Variants in CIT observed in about 807,000 individuals in gnomAD.
CIT encodes citron Rho-interacting kinase.
A neutral mutation model predicts 272.7 loss-of-function variants in CIT; 79 were observed. The observed-to-expected ratio is 0.29, with a 90% CI of 0.24 to 0.35. The LOEUF (loss-of-function observed/expected upper bound fraction) is 0.35, where lower values mean the gene tolerates loss of function less well. CIT is among the 10% of genes least tolerant of loss of function. The pLI, the probability that CIT is intolerant of heterozygous loss-of-function variation, is 1.00. For synonymous variants in CIT, 948 were observed against 995.6 expected (o/e 0.95, Z 0.90); for missense variants, 1,909 against 2,618.3 (o/e 0.73, Z 5.91).
intron 6 of CIT, 27 bp downstream of exon 6, chr12:119,834,059 T>C (rs1234668274): frequency 6.3e-7 from 1 of 1,585,316 alleles, no homozygotes; most frequent in Non-Finnish European, 8.6e-7. Flanking sequence ...ATCCTCAGCA[T>C]AAAAATGCTA....
At chr12:119,692,843 A>C (rs1956032603) in intron 46 of CIT, among the ~76,000 whole-genome samples, 1 of 152,242 alleles carries the variant, frequency 6.6e-6, no homozygotes, top group African/African-American at 2.4e-5. Context: ...TCAGACAACG[A>C]ATGCTCAGAA....
chr12:119,728,438 A>C lies in CIT; in HGVS notation c.3591+64T>G. On this transcript the variant is annotated intron_variant, in intron 28 of 47. Coordinates refer to ENST00000392521, the MANE Select transcript of CIT (RefSeq NM_001206999.2). The surrounding 1 kb of genome is among the most constrained non-coding windows in gnomAD (Gnocchi z 4.3). ...TGTGAACCTAAAGCTGCTCCAAAAAAAAGAAGCCTATTAAAAGAAAAAAAA... is the reference window on the plus strand; with the variant it reads ...TGTGAACCTAAAGCTGCTCCAAAAACAAGAAGCCTATTAAAAGAAAAAAAA... 9.8e-7 allele frequency: 1 copy of C among 1,019,498 alleles called. No individual in the cohort carries two copies. Among genetic ancestry groups the C allele is most frequent in the Non-Finnish European group, 1.5e-6 (1 of 668,614 alleles). 63.2% of individuals were successfully genotyped at this position (1,019,498 alleles called of 1,614,324 possible).
In CIT at chr12:119,784,606, G is replaced by GACT. The variant is rs1458624321; in HGVS notation, c.1401+351_1401+353dup. The GACT allele has an allele frequency of 1.7e-6, 2 of 1,188,128 alleles. No homozygotes were observed. Among genetic ancestry groups the GACT allele is most frequent in the African/African-American group, 3.2e-5 (2 of 63,394 alleles). 73.6% of individuals were successfully genotyped at this position (1,188,128 alleles called of 1,614,324 possible). On this transcript the variant is annotated intron_variant, in intron 11 of 47. Coordinates refer to ENST00000392521, the MANE Select transcript of CIT (RefSeq NM_001206999.2). The surrounding 1 kb of genome is among the most constrained non-coding windows in gnomAD (Gnocchi z 4.7). Reference sequence around the variant, plus strand: ...AGTGACATAAGCAGGAGTTTTAAAAGACTAGGAAGAGAGACTTCGCATCAC... The same window carrying GACT: ...AGTGACATAAGCAGGAGTTTTAAAAGACTACTAGGAAGAGAGACTTCGCATCAC...
chr12:119,770,890 C>G lies in CIT; in HGVS notation c.2103G>C (p.Glu701Asp), dbSNP rs767369878. 1.9e-6 allele frequency: 3 copies of G among 1,612,632 alleles called. No individual in the cohort carries two copies. In the East Asian group the frequency reaches 6.7e-5, roughly 36 times the overall value. Residue 701 changes from glutamate to aspartate, a missense_variant, in exon 18 of 48, where the codon GAG becomes GAC. Physicochemically the swap from Glu to Asp is conservative, Grantham distance 45. Around this residue, in one of 8 missense-constraint regions of CIT, gnomAD observed 530 missense variants for 822.4 expected, o/e 0.64. Coordinates refer to ENST00000392521, the MANE Select transcript of CIT (RefSeq NM_001206999.2). The surrounding 1 kb of genome is among the most constrained non-coding windows in gnomAD (Gnocchi z 4.4). ...VEAEERRHSL[E>D]NKVKRLETME... The stretch of plus-strand genomic sequence containing the variant: ...TGGTCTCTAGTCTCTTTACCTTGTT[C>G]TCCAGAGAATGGCGGCGTTCCTGTA...
chr12:119,731,574 GA>G (rs747552196), intron 26 of CIT, among the ~76,000 whole-genome samples: 1 of 149,618 alleles, frequency 6.7e-6, no homozygotes, highest in Non-Finnish European at 1.5e-5. Flanking sequence ...AGCAAAATAG[GA>G]AAAAAAAATC....
At chr12:119,840,403 G>A (rs1190292533) in intron 5 of CIT, among the ~76,000 whole-genome samples, 1 of 152,134 alleles carries the variant, frequency 6.6e-6, no homozygotes, top group Non-Finnish European at 1.5e-5. Flanking sequence ...AAGCAAGCTG[G>A]GACAACATAA....
At chr12:119,737,607 G>C (rs1028456293) in intron 24 of CIT, among the ~76,000 whole-genome samples, 2 of 152,060 alleles carry the variant, frequency 1.3e-5, no homozygotes, top group East Asian at 1.9e-4. Context: ...ATTGAGATGG[G>C]CCCATTGGAA....
intron 12 of CIT, 46 bp downstream of exon 12, chr12:119,783,862 C>A (rs758038985): frequency 2.7e-5 from 42 of 1,535,944 alleles, no homozygotes; most frequent in Non-Finnish European, 3.5e-5. Context: ...ACACACACAA[C>A]AGGAAGTGCC....
In CIT at chr12:119,822,861, T is replaced by C. The variant is rs1385781565; in HGVS notation, c.1070A>G (p.His357Arg). The C allele has an allele frequency of 3.1e-6, 5 of 1,614,040 alleles. No individual in the cohort carries two copies. Among genetic ancestry groups the C allele is most frequent in the Middle Eastern group, 1.6e-4 (1 of 6,084 alleles). The change falls in exon 9 of 48, where the codon CAT (histidine) becomes CGT (arginine). Residue 357 changes from histidine (H) to arginine (R), a missense_variant. This residue lies in a region of CIT where 529 missense variants were observed against 549.6 expected (regional missense o/e 0.96). Transcript: ENST00000392521. The part of the protein sequence containing the change: ...ERLKFEGLCC[H>R]PFFSKIDWNN... Reference sequence around the variant, plus strand: ...CCAGTCAATTTTAGAGAAGAAAGGATGGCAGCAAAGACCTTCAAACTTCAG... The same window carrying C: ...CCAGTCAATTTTAGAGAAGAAAGGACGGCAGCAAAGACCTTCAAACTTCAG...
At chr12:119,791,249 G>A (rs1484849721) in intron 10 of CIT, among the ~76,000 whole-genome samples, 1 of 152,176 alleles carries the variant, frequency 6.6e-6, no homozygotes, top group Admixed American at 6.5e-5. Flanking sequence ...GAGGGGCAAG[G>A]TCATGGAGGA....
chr12:119,745,848 C>G (rs547152820), intron 23 of CIT, among the ~76,000 whole-genome samples: 3 of 152,098 alleles, frequency 2.0e-5, no homozygotes, highest in African/African-American at 7.2e-5. Flanking sequence ...GTTGCATAGA[C>G]AGAATCACAG....
chr12:119,734,424 C>G (rs532021708), intron 25 of CIT, 67 bp from the exon 26 acceptor site: 7 of 1,539,386 alleles, frequency 4.5e-6, no homozygotes, highest in Non-Finnish European at 4.4e-6. Context: ...TTACTTTGGT[C>G]GGGTCAGTTT....
At chr12:119,739,526 C>A (rs919235554) in intron 24 of CIT, among the ~76,000 whole-genome samples, 1 of 152,120 alleles carries the variant, frequency 6.6e-6, no homozygotes, top group African/African-American at 2.4e-5. Flanking sequence ...GTCTTTAAAG[C>A]GGTCTTGAAC....
chr12:119,869,264 C>A (rs973969596), intron 2 of CIT, 63 bp from the exon 3 acceptor site: 11 of 1,497,462 alleles, frequency 7.3e-6, no homozygotes, highest in Non-Finnish European at 9.9e-6. Context: ...TCAATAACAT[C>A]CACACAGAGT....
chr12:119,717,824 A>AGACT (rs142587650), intron 32 of CIT, among the ~76,000 whole-genome samples: 4,294 of 103,974 alleles, frequency 0.041, 165 homozygotes, highest in African/African-American at 0.085. Context: ...GGGAGCCAGG[A>AGACT]GACTGACTTC....
rs535321690 is a variant in CIT, at chr12:119,823,706, G to A, written c.958-733C>T. Among the ~76,000 whole-genome samples, 5 of 152,186 alleles carry A rather than the reference G, an allele frequency of 3.3e-5. No homozygotes were observed. The South Asian group carries it at 1.0e-3, about 32-fold the overall frequency. Reference sequence around the variant, plus strand: ...AGGAAATACGTTCCTTTTCCTTTTGGTTGAAACTAAAACATATACATTTAT... The same window carrying A: ...AGGAAATACGTTCCTTTTCCTTTTGATTGAAACTAAAACATATACATTTAT... On this transcript the variant is annotated intron_variant, in intron 8 of 47. Transcript: ENST00000392521.
intron 13 of CIT, among the ~76,000 whole-genome samples, chr12:119,779,418 A>C (rs1964086446): frequency 6.6e-6 from 1 of 152,188 alleles, no homozygotes; most frequent in Non-Finnish European, 1.5e-5. Context: ...AAATACAAAA[A>C]TATTAACATC....
chr12:119,773,014 TAAAA>T (rs11437987), intron 16 of CIT, 104 bp from the exon 17 acceptor site: 22 of 579,712 alleles, frequency 3.8e-5, no homozygotes, highest in Admixed American at 4.9e-5. Flanking sequence ...AAGTATAATC[TAAAA>T]AAAAAAAAAA....
chr12:119,776,465 T>C (rs1256925241), intron 14 of CIT, 57 bp from the exon 15 acceptor site: 2 of 1,441,236 alleles, frequency 1.4e-6, no homozygotes, highest in African/African-American at 1.4e-5. Flanking sequence ...AAAAGTCGTG[T>C]AGACTACTTT....
Sources: gnomAD v4.1 joint callset for allele counts (sites outside exome capture counted in the v4.1 genomes callset) on GRCh38, gnomAD v4.1.1 for gene constraint, gnomAD v4.1.1 regional missense constraint, Gnocchi (gnomAD v3.1) non-coding constraint, MANE v1.5 for transcripts, NCBI Gene and HGNC (gene_info 2026-07-23, HGNC 2026-07-21) for gene names.